The following FRMD4A variants were observed in gnomAD, a reference collection of about 807,000 sequenced individuals.
FRMD4A encodes FERM domain-containing protein 4A.
A neutral mutation model predicts 129.1 loss-of-function variants in FRMD4A; 29 were observed. The observed-to-expected ratio is 0.22, with a 90% CI of 0.17 to 0.31. The LOEUF (loss-of-function observed/expected upper bound fraction) is 0.31. Ranked by LOEUF, FRMD4A falls within the 10% of genes least tolerant of loss-of-function variation. The pLI is 1.00. For missense variants in FRMD4A, 1,272 were observed against 1,375.8 expected (o/e 0.92, Z 1.19); for synonymous variants, 634 against 571.6 (o/e 1.11, Z -1.56).
At chr10:13,916,993 G>C (rs756250850) in intron 2 of FRMD4A, among the ~76,000 whole-genome samples, 1 of 152,192 alleles carries the variant, frequency 6.6e-6, no homozygotes, top group Non-Finnish European at 1.5e-5. Flanking sequence ...GTTCTAAGTA[G>C]GAAAAGAATT....
intron 2 of FRMD4A, among the ~76,000 whole-genome samples, chr10:14,237,527 C>T (rs1428347394): frequency 6.6e-6 from 1 of 151,976 alleles, no homozygotes; most frequent in Non-Finnish European, 1.5e-5. Flanking sequence ...AATGGGGTTT[C>T]ACCATGTTGG....
intron 2 of FRMD4A, among the ~76,000 whole-genome samples, chr10:13,897,915 TGACA>T (rs768859431): frequency 2.3e-5 from 3 of 128,600 alleles, no homozygotes; most frequent in East Asian, 4.5e-4. Flanking sequence ...CCAGCCTGGG[TGACA>T]GACAGAGACT....
intron 3 of FRMD4A, among the ~76,000 whole-genome samples, chr10:13,837,476 A>C (rs2093894956): frequency 6.6e-6 from 1 of 152,210 alleles, no homozygotes; most frequent in East Asian, 1.9e-4. Context: ...AACTGTTTAG[A>C]GCTTTCCACA....
chr10:14,137,784 A>G (rs915181223), intron 2 of FRMD4A, among the ~76,000 whole-genome samples: 4 of 152,050 alleles, frequency 2.6e-5, no homozygotes, highest in Non-Finnish European at 2.9e-5. Flanking sequence ...CTCCTTTGCT[A>G]CGCACTAATT....
intron 2 of FRMD4A, among the ~76,000 whole-genome samples, chr10:14,148,502 G>T (rs567012614): frequency 6.6e-6 from 1 of 152,186 alleles, no homozygotes; most frequent in Non-Finnish European, 1.5e-5. Flanking sequence ...GCTGGCTCAC[G>T]CCTGTAATCC....
At chr10:13,794,904 T>C (rs987224057) in intron 5 of FRMD4A, among the ~76,000 whole-genome samples, 8 of 152,246 alleles carry the variant, frequency 5.3e-5, no homozygotes, top group African/African-American at 1.2e-4. Flanking sequence ...CCTGCTTTTA[T>C]GCATAGAAGA....
At chr10:13,753,955 T>C (rs960742368) in intron 8 of FRMD4A, among the ~76,000 whole-genome samples, 1 of 152,240 alleles carries the variant, frequency 6.6e-6, no homozygotes, top group African/African-American at 2.4e-5. Context: ...TTCTAATTTA[T>C]GTTAGGTATA....
chr10:13,965,747 G>C (rs1236391210), intron 2 of FRMD4A, among the ~76,000 whole-genome samples: 1 of 152,190 alleles, frequency 6.6e-6, no homozygotes, highest in East Asian at 1.9e-4. Context: ...AGTAATGAAA[G>C]GACAAGTTTT....
intron 2 of FRMD4A, among the ~76,000 whole-genome samples, chr10:14,066,484 G>C (rs1452072372): frequency 6.6e-6 from 1 of 152,072 alleles, no homozygotes; most frequent in Non-Finnish European, 1.5e-5. Flanking sequence ...GAATGAGTAG[G>C]GAAGATAAAG....
chr10:14,101,019 T>G (rs1837274004), intron 2 of FRMD4A, among the ~76,000 whole-genome samples: 1 of 152,184 alleles, frequency 6.6e-6, no homozygotes, highest in Admixed American at 6.5e-5. Context: ...ACTCCAGGGT[T>G]TCCCCAAGAA....
At chr10:14,075,553 G>A (rs1287584303) in intron 2 of FRMD4A, among the ~76,000 whole-genome samples, 2 of 152,200 alleles carry the variant, frequency 1.3e-5, no homozygotes, top group African/African-American at 4.8e-5. Context: ...CAGTGAAAAA[G>A]TATTCTTTAG....
intron 9 of FRMD4A, among the ~76,000 whole-genome samples, chr10:13,741,189 C>T (rs2090982946): frequency 6.6e-6 from 1 of 151,254 alleles, no homozygotes; most frequent in Non-Finnish European, 1.5e-5. Context: ...GTGGCTCACC[C>T]CTGTAATCCC....
chr10:14,277,322 C>G (rs1365715634), intron 2 of FRMD4A, among the ~76,000 whole-genome samples: 1 of 152,190 alleles, frequency 6.6e-6, no homozygotes, highest in African/African-American at 2.4e-5. Context: ...AAATCCTCAC[C>G]TGCAAGGTGA....
At chr10:14,265,903 G>A (rs1844960938) in intron 2 of FRMD4A, among the ~76,000 whole-genome samples, 1 of 152,148 alleles carries the variant, frequency 6.6e-6, no homozygotes, top group African/African-American at 2.4e-5. Flanking sequence ...CCCTCTTTGT[G>A]TTGGGCAAAT....
intron 2 of FRMD4A, among the ~76,000 whole-genome samples, chr10:13,864,351 AAAAG>A: frequency 1.3e-5 from 2 of 150,794 alleles, no homozygotes; most frequent in South Asian, 4.2e-4. Context: ...AAAAAAAAAA[AAAAG>A]AAAAAAAGAA....
chr10:14,171,759 A>G (rs1012147852), intron 2 of FRMD4A, among the ~76,000 whole-genome samples: 4 of 151,690 alleles, frequency 2.6e-5, no homozygotes, highest in Admixed American at 6.6e-5. Flanking sequence ...TAAACTGTCC[A>G]TAAGTTATTG....
intron 12 of FRMD4A, among the ~76,000 whole-genome samples, chr10:13,728,590 T>TTTTTTTTTA (rs2090086922): frequency 7.2e-6 from 1 of 138,206 alleles, no homozygotes; most frequent in East Asian, 2.1e-4. Context: ...TTTTTTTTTT[T>TTTTTTTTTA]GAGATGGAGT....
At position 14,118,934 on chromosome 10, in the gene FRMD4A, T is replaced by G. The variant is rs563123818; in HGVS notation, c.45+211124A>C. Among the ~76,000 whole-genome samples, 14 of 152,248 alleles carry G rather than the reference T, an allele frequency of 9.2e-5. No homozygotes were observed. The East Asian group carries it at 2.1e-3, about 23-fold the overall frequency. On this transcript the variant is annotated intron_variant, in intron 2 of 24. Coordinates refer to ENST00000357447, the MANE Select transcript of FRMD4A (RefSeq NM_018027.5). ...TGGCTCTCTTGGAAATTCCATGACC[T>G]CCTGAGTGACCTACCTTTTAATGAA...
At chr10:13,786,426 G>A (rs765100732) in intron 5 of FRMD4A, among the ~76,000 whole-genome samples, 1 of 152,162 alleles carries the variant, frequency 6.6e-6, no homozygotes, top group Non-Finnish European at 1.5e-5. Flanking sequence ...CCAACATGGT[G>A]AAAGCCTGTC....
Sources: allele counts gnomAD v4.1 joint callset (sites outside exome capture counted in the v4.1 genomes callset), GRCh38; gene constraint gnomAD v4.1.1; transcripts MANE v1.5; gene names NCBI Gene and HGNC (gene_info 2026-07-23, HGNC 2026-07-21).